The following NCKAP1 variants were observed in gnomAD, a reference collection of about 807,000 sequenced individuals.
The protein encoded by NCKAP1 is NCK associated protein 1.
Under a neutral mutation model 151.2 loss-of-function variants are expected in NCKAP1, and 21 were observed. The observed-to-expected ratio is 0.14, with a 90% CI of 0.10 to 0.20. The LOEUF (loss-of-function observed/expected upper bound fraction) is 0.20, where lower values mean the gene tolerates loss of function less well. NCKAP1 is among the 10% of genes least tolerant of loss of function. NCKAP1 has a pLI of 1.00. For missense variants in NCKAP1, 933 were observed against 1,352.1 expected (o/e 0.69, Z 4.86); for synonymous variants, 484 against 451.8 (o/e 1.07, Z -0.90).
chr2:182,923,179 T>TA lies in NCKAP1; in HGVS notation c.*2522dup, dbSNP rs1696579051. 6.6e-6 allele frequency: 1 copy of TA among 152,046 alleles called. No homozygotes were observed. The highest frequency in any genetic ancestry group is 1.5e-5 in the Non-Finnish European group (1 of 68,014). The allele number at this position is 152,046 out of a possible 1,614,324, so 9.4% of individuals were successfully genotyped here. On this transcript the variant is annotated 3_prime_UTR_variant, in exon 31 of 31. Coordinates refer to ENST00000361354, the MANE Select transcript of NCKAP1 (RefSeq NM_013436.5). ...CAATTTTACTTCTGAAAAATTATTC[T>TA]AAAAAAATAACAGGTCAACTTTACC... is the stretch of plus-strand genomic sequence containing the variant.
At chr2:183,021,365 C>G (rs1698794689) in intron 2 of NCKAP1, among the ~76,000 whole-genome samples, 1 of 152,098 alleles carries the variant, frequency 6.6e-6, no homozygotes, top group Admixed American at 6.5e-5. Context: ...TTTGGGAGGT[C>G]AAAGTGGGAG....
intron 2 of NCKAP1, among the ~76,000 whole-genome samples, chr2:183,009,499 C>A (rs72888444): frequency 0.085 from 12,775 of 150,618 alleles, 723 homozygotes; most frequent in Non-Finnish European, 0.12. Context: ...AGCAGGCAAG[C>A]AAGCAAGGTT....
At chr2:182,947,773 CAG>C (rs1245829258) in intron 23 of NCKAP1, among the ~76,000 whole-genome samples, 1 of 152,070 alleles carries the variant, frequency 6.6e-6, no homozygotes, top group African/African-American at 2.4e-5. Context: ...TCATCACTGA[CAG>C]AATAACTTTT....
rs1015579761 is a variant in NCKAP1, at chr2:183,028,877, G to A, written c.109-4961C>T. On this transcript the variant is annotated intron_variant, in intron 1 of 30. Coordinates refer to ENST00000361354, the MANE Select transcript of NCKAP1 (RefSeq NM_013436.5). Reference sequence around the variant, plus strand: ...GCCTGTAATCCCAGCACTTTGGGAGGCCGAGGTGGGCAGATCGCGAGGTCA... The same window carrying A: ...GCCTGTAATCCCAGCACTTTGGGAGACCGAGGTGGGCAGATCGCGAGGTCA... Among the ~76,000 whole-genome samples, 6 of 151,938 alleles carry A rather than the reference G, an allele frequency of 3.9e-5. No individual in the cohort carries two copies. The East Asian group carries it at 9.7e-4, about 24-fold the overall frequency.
rs545158955 is a variant in NCKAP1 at position 182,935,916 on chromosome 2, T to C, written c.2696-541A>G. Among the ~76,000 whole-genome samples the C allele has an allele frequency of 2.6e-5, 4 of 152,232 alleles. 1 individual carries two copies. Among genetic ancestry groups the C allele is most frequent in the East Asian group, 1.9e-4 (1 of 5,178 alleles). On this transcript the variant is annotated intron_variant, in intron 24 of 30. Coordinates refer to ENST00000361354, the MANE Select transcript of NCKAP1 (RefSeq NM_013436.5). The stretch of plus-strand genomic sequence containing the variant: ...ACCAGTTTGCTGAAGCTGAACAGAT[T>C]TGATCACTTACATATTGGTTAGAGA...
intron 27 of NCKAP1, among the ~76,000 whole-genome samples, chr2:182,929,452 AAAGAAGACAG>A (rs1333119960): frequency 6.6e-6 from 1 of 151,884 alleles, no homozygotes; most frequent in Non-Finnish European, 1.5e-5. Context: ...GTCATGAATA[AAAGAAGACAG>A]AAGAAGACAG....
chr2:182,983,831 G>A (rs369520131), intron 10 of NCKAP1, among the ~76,000 whole-genome samples: 11 of 152,190 alleles, frequency 7.2e-5, no homozygotes, highest in African/African-American at 2.2e-4. Flanking sequence ...TCAGGAGTTC[G>A]AGACCAGCCT....
At chr2:182,947,686 G>A (rs994696105) in intron 23 of NCKAP1, among the ~76,000 whole-genome samples, 4 of 152,108 alleles carry the variant, frequency 2.6e-5, no homozygotes, top group Non-Finnish European at 2.9e-5. Context: ...GCAAAAATCT[G>A]TAAGTTCTTT....
chr2:183,032,403 T>C (rs575094876), intron 1 of NCKAP1, among the ~76,000 whole-genome samples: 124 of 152,304 alleles, frequency 8.1e-4, no homozygotes, highest in African/African-American at 2.7e-3. Flanking sequence ...ATTTCATCAT[T>C]GTGTGAACAT....
At chr2:182,989,321 C>T (rs1698120738) in intron 8 of NCKAP1, 135 bp from the exon 9 acceptor site, 3 of 618,092 alleles carry the variant, frequency 4.9e-6, no homozygotes, top group Non-Finnish European at 8.3e-6. Flanking sequence ...AGTAACAATA[C>T]ATATGTATAA....
chr2:182,925,886 T>C (rs1043402002), intron 30 of NCKAP1, 68 bp from the exon 31 acceptor site: 24 of 763,394 alleles, frequency 3.1e-5, no homozygotes, highest in Non-Finnish European at 4.9e-5. Context: ...AATCATAAGT[T>C]ATTTATAATG....
intron 6 of NCKAP1, among the ~76,000 whole-genome samples, chr2:183,001,518 T>C (rs1012433342): frequency 1.1e-4 from 16 of 152,336 alleles, no homozygotes; most frequent in African/African-American, 3.1e-4. Flanking sequence ...ATGAAGTAAT[T>C]CATTTAATTC....
intron 6 of NCKAP1, among the ~76,000 whole-genome samples, chr2:182,997,610 G>A (rs1248507086): frequency 1.3e-5 from 2 of 152,060 alleles, no homozygotes; most frequent in Non-Finnish European, 2.9e-5. Flanking sequence ...AAGATGCTTG[G>A]CATGATTTTA....
chr2:182,992,206 CCTAGT>C (rs1238129806), intron 8 of NCKAP1, among the ~76,000 whole-genome samples: 1 of 152,176 alleles, frequency 6.6e-6, no homozygotes, highest in South Asian at 2.1e-4. Flanking sequence ...GAAGAAAAAT[CCTAGT>C]CTGGGTAGTA....
At chr2:183,017,127 G>C (rs1408659490) in intron 2 of NCKAP1, among the ~76,000 whole-genome samples, 1 of 152,130 alleles carries the variant, frequency 6.6e-6, no homozygotes, top group Non-Finnish European at 1.5e-5. Context: ...CAAAGGGGTA[G>C]CTAGAATTCA....
Position 182,956,340 on chromosome 2 carries a change from C to T in NCKAP1, c.2153+122G>A, listed in dbSNP as rs375746755. The T allele has an allele frequency of 1.7e-4, 217 of 1,284,264 alleles. No homozygotes were observed. In the East Asian group the frequency reaches 2.6e-3, roughly 15 times the overall value. The allele number at this position is 1,284,264 out of a possible 1,614,324, so 79.6% of individuals were successfully genotyped here. On this transcript the variant is annotated intron_variant, in intron 20 of 30. Coordinates refer to ENST00000361354, the MANE Select transcript of NCKAP1 (RefSeq NM_013436.5). ...TAGGCGTGAGCCACCACGCCCGGCC[C>T]GGTTCATTATTCTTAACACTAATCC...
chr2:183,015,120 A>G (rs1167492927), intron 2 of NCKAP1, among the ~76,000 whole-genome samples: 2 of 152,236 alleles, frequency 1.3e-5, no homozygotes, highest in South Asian at 4.1e-4. Context: ...TGAGTTGAAG[A>G]GGTTATGAAT....
At position 182,935,349 on chromosome 2, in the gene NCKAP1, T is replaced by C; in HGVS notation, c.2722A>G (p.Thr908Ala). 2 of 1,586,400 alleles carry C rather than the reference T, an allele frequency of 1.3e-6. No individual in the cohort carries two copies. Among genetic ancestry groups the C allele is most frequent in the Non-Finnish European group, 8.5e-7 (1 of 1,170,830 alleles). Residue 908 changes from threonine (T) to alanine (A), a missense_variant, in exon 25 of 31, where the codon ACA (threonine) becomes GCA (alanine). Physicochemically the swap from Thr to Ala is moderately conservative, Grantham distance 58. Transcript: ENST00000361354. ...AAGGATAAAATTACACCAATTATTG[T>C]CATCCTCTTCAAGACACTGTCAACA... ...SSVDSVLKRM[T>A]IIGVILSFRS...
intron 6 of NCKAP1, among the ~76,000 whole-genome samples, chr2:182,996,116 T>C (rs940841233): frequency 9.2e-5 from 14 of 152,254 alleles, no homozygotes; most frequent in Non-Finnish European, 2.1e-4. Context: ...GTGGCAATCT[T>C]GGGAACTTTA....
Sources: gnomAD v4.1 joint callset for allele counts (sites outside exome capture counted in the v4.1 genomes callset) on GRCh38, gnomAD v4.1.1 for gene constraint, MANE v1.5 for transcripts, NCBI Gene and HGNC (gene_info 2026-07-23, HGNC 2026-07-21) for gene names.